CELF2: variants seen among roughly 807,000 people sequenced by gnomAD.
CELF2 encodes CUGBP Elav-like family member 2.
A neutral mutation model predicts 62.6 loss-of-function variants in CELF2; 8 were observed. The observed-to-expected ratio is 0.13, with a 90% CI of 0.07 to 0.23. The LOEUF (loss-of-function observed/expected upper bound fraction) is 0.23. CELF2 is among the 10% of genes least tolerant of loss of function. The pLI is 1.00. For synonymous variants in CELF2, 258 were observed against 250.0 expected, an observed-to-expected ratio of 1.03 and a Z score of -0.30; for missense variants, 333 against 671.0, an observed-to-expected ratio of 0.50 and a Z score of 5.56.
At chr10:11,203,812 A>G (rs868068348) in intron 2 of CELF2, among the ~76,000 whole-genome samples, 17 of 152,298 alleles carry the variant, frequency 1.1e-4, no homozygotes, top group South Asian at 4.1e-4. Flanking sequence ...CTCTTGCCCC[A>G]TGACCCGCGT....
At chr10:10,925,793 T>C (rs1026961879) in intron 2 of CELF2, among the ~76,000 whole-genome samples, 2 of 152,076 alleles carry the variant, frequency 1.3e-5, no homozygotes, top group Non-Finnish European at 2.9e-5. Flanking sequence ...ACTCAAAATA[T>C]GAAACAAACC....
chr10:10,945,702 G>T (rs996941053), intron 2 of CELF2, among the ~76,000 whole-genome samples: 1 of 152,162 alleles, frequency 6.6e-6, no homozygotes, highest in Non-Finnish European at 1.5e-5. Context: ...AAATGGTGTC[G>T]CTGACAGTCA....
the CELF2 span, among the ~76,000 whole-genome samples, chr10:10,718,179 A>G: frequency 3.9e-5 from 6 of 152,220 alleles, no homozygotes; most frequent in Admixed American, 3.9e-4. Context: ...AAAATTTTGC[A>G]TAAACACATC....
intron 2 of CELF2, among the ~76,000 whole-genome samples, chr10:10,930,628 G>T (rs2065962220): frequency 6.6e-6 from 1 of 152,148 alleles, no homozygotes; most frequent in Non-Finnish European, 1.5e-5. Context: ...CATATCTTCA[G>T]AGTTTATAGA....
chr10:10,903,378 A>C (rs1651935196), intron 1 of CELF2, among the ~76,000 whole-genome samples: 2 of 152,220 alleles, frequency 1.3e-5, no homozygotes, highest in Admixed American at 1.3e-4. Flanking sequence ...TTGTTAGTAC[A>C]CATACCTCCT....
chr10:10,751,920 G>A, the CELF2 span, among the ~76,000 whole-genome samples: 24 of 152,252 alleles, frequency 1.6e-4, no homozygotes, highest in African/African-American at 5.8e-4. Context: ...CTGGCTCTTT[G>A]ATTAAAGTTT....
intron 1 of CELF2, among the ~76,000 whole-genome samples, chr10:10,812,390 T>C (rs2055999852): frequency 6.6e-6 from 1 of 152,172 alleles, no homozygotes; most frequent in African/African-American, 2.4e-5. Context: ...TTATGGAAGC[T>C]ACAATTGAAG....
At position 11,156,723 on chromosome 10, in the gene CELF2, G is replaced by A. The variant is rs1188284207; in HGVS notation, c.75-8763G>A. Among the ~76,000 whole-genome samples the A allele has an allele frequency of 3.9e-5, 6 of 152,276 alleles. No homozygotes were observed. Among genetic ancestry groups the A allele is most frequent in the Admixed American group, 1.3e-4 (2 of 15,298 alleles). ...CCACCATGCACTTGATGGGGCTTCC[G>A]TGAATCGCTGTTTCTGAGGTTCCGC... On this transcript the variant is annotated intron_variant, in intron 1 of 12. Transcript: ENST00000633077. The surrounding 1 kb of genome is among the most constrained non-coding windows in gnomAD (Gnocchi z 4.3).
intron 5 of CELF2, among the ~76,000 whole-genome samples, chr10:11,259,198 T>A (rs1372733875): frequency 6.6e-6 from 1 of 152,234 alleles, no homozygotes. Context: ...TCTTCACCCT[T>A]CTCACTAGTT....
the CELF2 span, among the ~76,000 whole-genome samples, chr10:10,515,756 A>G: frequency 3.2e-3 from 485 of 152,342 alleles, 1 homozygote; most frequent in African/African-American, 0.011. Context: ...TTTAGTAGGC[A>G]TGCGAATTTG....
chr10:11,024,622 G>GTAATAA (rs58540409), intron 1 of CELF2, among the ~76,000 whole-genome samples: 19 of 151,664 alleles, frequency 1.3e-4, no homozygotes, highest in South Asian at 2.1e-4. Flanking sequence ...AATAATAATA[G>GTAATAA]TAATAATAAT....
At chr10:11,043,797 A>G (rs1331817233) in intron 1 of CELF2, among the ~76,000 whole-genome samples, 1 of 152,132 alleles carries the variant, frequency 6.6e-6, no homozygotes, top group Non-Finnish European at 1.5e-5. Flanking sequence ...TCACCCGACC[A>G]TCATCTCTCA....
At chr10:10,952,983 G>A (rs1456254926) in intron 2 of CELF2, among the ~76,000 whole-genome samples, 1 of 152,080 alleles carries the variant, frequency 6.6e-6, no homozygotes, top group East Asian at 1.9e-4. Flanking sequence ...TTGGTGAGTT[G>A]GTTCAGATGT....
At chr10:11,190,052 A>G (rs997281239) in intron 2 of CELF2, among the ~76,000 whole-genome samples, 9 of 152,146 alleles carry the variant, frequency 5.9e-5, no homozygotes, top group Non-Finnish European at 1.3e-4. Flanking sequence ...CAAGTTGTAA[A>G]TTATCTTCTT....
chr10:10,853,660 T>C (rs1291546859), intron 1 of CELF2, among the ~76,000 whole-genome samples: 1 of 151,786 alleles, frequency 6.6e-6, no homozygotes, highest in Non-Finnish European at 1.5e-5. Flanking sequence ...AGCCCCCTTA[T>C]TGCGAGACTA....
chr10:10,821,124 G>T (rs757159574), intron 1 of CELF2, among the ~76,000 whole-genome samples: 1 of 152,230 alleles, frequency 6.6e-6, no homozygotes, highest in Non-Finnish European at 1.5e-5. Flanking sequence ...TTCTGGTATG[G>T]GTGGGGGTAT....
the CELF2 span, among the ~76,000 whole-genome samples, chr10:10,577,282 T>C: frequency 6.6e-6 from 1 of 152,134 alleles, no homozygotes; most frequent in Non-Finnish European, 1.5e-5. Context: ...AATCACTTGA[T>C]CACCTCTTCA....
intron 5 of CELF2, 109 bp downstream of exon 5, chr10:11,257,981 C>T (rs1292009276): frequency 1.6e-6 from 2 of 1,236,144 alleles, no homozygotes; most frequent in East Asian, 2.4e-5. Context: ...CCCTGTAATA[C>T]ATCCCATGTG....
At chr10:11,292,918 G>A (rs1271018103) in intron 9 of CELF2, among the ~76,000 whole-genome samples, 2 of 152,224 alleles carry the variant, frequency 1.3e-5, no homozygotes, top group African/African-American at 2.4e-5. Flanking sequence ...GAGCCTGGAA[G>A]AGACCCTTGT....
Sources: gnomAD v4.1 joint callset for allele counts (sites outside exome capture counted in the v4.1 genomes callset) on GRCh38, gnomAD v4.1.1 for gene constraint, Gnocchi (gnomAD v3.1) non-coding constraint, MANE v1.5 for transcripts, NCBI Gene and HGNC (gene_info 2026-07-23, HGNC 2026-07-21) for gene names.